OR51E2: variants seen among roughly 807,000 people sequenced by gnomAD.
OR51E2 encodes the protein olfactory receptor family 51 subfamily E member 2.
A neutral mutation model predicts 13.7 loss-of-function variants in OR51E2; 14 were observed. The observed-to-expected ratio is 1.02, with a 90% confidence interval of 0.68 to 1.60. The LOEUF (loss-of-function observed/expected upper bound fraction) is 1.60, where lower values mean the gene tolerates loss of function less well. OR51E2 is among the 40% of genes most tolerant of loss of function. The pLI is 0.00. For synonymous variants in OR51E2, 180 were observed against 157.6 expected, an observed-to-expected ratio of 1.14 and a Z score of -1.07; for missense variants, 483 against 413.8, an observed-to-expected ratio of 1.17 and a Z score of -1.45.
intron 1 of OR51E2, chr11:4,691,631 G>A: frequency 2.3e-6 from 1 of 443,502 alleles, no homozygotes; most frequent in Non-Finnish European, 4.5e-6. Flanking sequence ...AGGTGTGGAA[G>A]GCTTCCAGCC....
chr11:4,689,910 A>T (rs976987620), intron 1 of OR51E2, among the ~76,000 whole-genome samples: 1 of 150,400 alleles, frequency 6.6e-6, no homozygotes, highest in Non-Finnish European at 1.5e-5. Context: ...TTTTTAATTA[A>T]TTTTTTTACT....
In OR51E2 at chr11:4,682,679, A is replaced by G; in HGVS notation, c.33T>C (p.Phe11=). The change falls in exon 2 of 2, where the codon TTT becomes TTC. Residue 11 remains phenylalanine, a synonymous_variant. Coordinates refer to ENST00000396950, the MANE Select transcript of OR51E2 (RefSeq NM_030774.4). MSSCNFTHAT[F]VLIGIPGLEK... is the part of the protein sequence containing the mutation. Reference sequence around the variant, plus strand: ...CTAATCCTGGGATACCAATAAGCACAAAGGTGGCATGTGTGAAGTTGCAGG... The same window carrying G: ...CTAATCCTGGGATACCAATAAGCACGAAGGTGGCATGTGTGAAGTTGCAGG... 6.2e-7 allele frequency: 1 copy of G among 1,614,106 alleles called. No individual in the cohort carries two copies. Among genetic ancestry groups the G allele is most frequent in the Non-Finnish European group, 8.5e-7 (1 of 1,179,962 alleles).
Position 4,694,295 on chromosome 11 carries a change from C to CA in OR51E2, c.-51+3357dup, listed in dbSNP as rs1239798177. Among the ~76,000 whole-genome samples the CA allele has an allele frequency of 4.2e-4, 61 of 145,966 alleles. 1 individual carries two copies. The highest frequency in any genetic ancestry group is 1.2e-3 in the East Asian group (6 of 5,040). Reference sequence around the variant, plus strand: ...TTGACCTGATCTGTGTTGGGCCTAGCAAAAAAAAAATGACTTCTCTCCTTT... The same window carrying CA: ...TTGACCTGATCTGTGTTGGGCCTAGCAAAAAAAAAAATGACTTCTCTCCTTT... On this transcript the variant is annotated intron_variant, in intron 1 of 1. Coordinates refer to ENST00000396950, the MANE Select transcript of OR51E2 (RefSeq NM_030774.4).
intron 1 of OR51E2, among the ~76,000 whole-genome samples, chr11:4,687,643 C>T (rs1847531020): frequency 6.6e-6 from 1 of 152,050 alleles, no homozygotes; most frequent in South Asian, 2.1e-4. Flanking sequence ...TACAATGGAC[C>T]AGACACTATA....
At chr11:4,693,589 C>T (rs1460771130) in intron 1 of OR51E2, among the ~76,000 whole-genome samples, 3 of 152,042 alleles carry the variant, frequency 2.0e-5, no homozygotes, top group Non-Finnish European at 4.4e-5. Flanking sequence ...GGCGTGGTGG[C>T]GGGCGCCTGT....
chr11:4,687,957 G>T (rs1002408107), intron 1 of OR51E2, among the ~76,000 whole-genome samples: 8 of 152,172 alleles, frequency 5.3e-5, no homozygotes, highest in Non-Finnish European at 1.0e-4. Context: ...CATGCAGGTT[G>T]TTTGTTGTCT....
chr11:4,684,043 T>C (rs1448532579), intron 1 of OR51E2, among the ~76,000 whole-genome samples: 2 of 152,216 alleles, frequency 1.3e-5, no homozygotes. Context: ...CAGTTTGGCC[T>C]TAATGTAGAG....
intron 1 of OR51E2, chr11:4,684,987 T>C (rs910602114): frequency 1.3e-5 from 2 of 152,286 alleles, no homozygotes; most frequent in Non-Finnish European, 2.9e-5. Flanking sequence ...TGAAACAGTA[T>C]GTGGGGTCTT....
chr11:4,696,030 G>A (rs1300935626), intron 1 of OR51E2, among the ~76,000 whole-genome samples: 2 of 152,126 alleles, frequency 1.3e-5, no homozygotes, highest in Non-Finnish European at 2.9e-5. Flanking sequence ...TAACGCTGTG[G>A]CAAAGTTTCT....
At chr11:4,692,162 C>A in intron 1 of OR51E2, 1 of 452,432 alleles carries the variant, frequency 2.2e-6, no homozygotes, top group South Asian at 1.6e-5. Flanking sequence ...TTACATTGGT[C>A]ATAAGTGTGG....
chr11:4,695,989 A>G (rs1171316525), intron 1 of OR51E2, among the ~76,000 whole-genome samples: 1 of 152,150 alleles, frequency 6.6e-6, no homozygotes, highest in Non-Finnish European at 1.5e-5. Flanking sequence ...GCATCTCCAG[A>G]GTTCTGTATT....
chr11:4,691,342 C>A (rs1455504218), intron 1 of OR51E2: 2 of 457,582 alleles, frequency 4.4e-6, no homozygotes, highest in Non-Finnish European at 8.8e-6. Flanking sequence ...CGATCAAAAG[C>A]CATGGCCAAC....
Position 4,682,596 on chromosome 11 carries a change from A to G in OR51E2, c.116T>C (p.Phe39Ser). ...GATGAAGACCACGATGCAGTTTCCAAACATTGCCACTACATACATGGAAAG... is the reference window on the plus strand; with the variant it reads ...GATGAAGACCACGATGCAGTTTCCAGACATTGCCACTACATACATGGAAAG... ...PLLSMYVVAM[F>S]GNCIVVFIVR... Residue 39 changes from phenylalanine to serine, a missense_variant, in exon 2 of 2, where the codon TTT (phenylalanine) becomes TCT (serine). By Grantham distance (155) the Phe-to-Ser change is radical (BLOSUM62 -2). Transcript: ENST00000396950. The G allele has an allele frequency of 6.2e-7, 1 of 1,614,206 alleles. No homozygotes were observed. Among genetic ancestry groups the G allele is most frequent in the Non-Finnish European group, 8.5e-7 (1 of 1,180,042 alleles).
intron 1 of OR51E2, among the ~76,000 whole-genome samples, chr11:4,693,496 C>A (rs890890238): frequency 6.6e-6 from 1 of 152,030 alleles, no homozygotes; most frequent in Non-Finnish European, 1.5e-5. Flanking sequence ...CCGAGGTGGG[C>A]GGATCACGAG....
At chr11:4,695,551 C>T (rs1847645240) in intron 1 of OR51E2, among the ~76,000 whole-genome samples, 1 of 152,162 alleles carries the variant, frequency 6.6e-6, no homozygotes, top group African/African-American at 2.4e-5. Flanking sequence ...GGAGAACAGT[C>T]TGCTTTTGTT....
chr11:4,681,432 C>G lies in OR51E2; in HGVS notation c.*317G>C. The G allele has an allele frequency of 3.4e-6, 1 of 290,060 alleles. No individual in the cohort carries two copies. The highest frequency in any genetic ancestry group is 6.4e-6 in the Non-Finnish European group (1 of 155,624). 18.0% of individuals were successfully genotyped at this position (290,060 alleles called of 1,614,324 possible). A position where few individuals can be genotyped will look rare whatever the true frequency, so the allele number is the denominator to read the frequency against. On this transcript the variant is annotated 3_prime_UTR_variant, in exon 2 of 2. Coordinates refer to ENST00000396950, the MANE Select transcript of OR51E2 (RefSeq NM_030774.4). ...AAAGAGAGAGAAAGTAGGGACAACA[C>G]TAAATCATTAGTAATTTGAGCACAT...
chr11:4,689,284 C>T (rs557558554), intron 1 of OR51E2, among the ~76,000 whole-genome samples: 1 of 152,056 alleles, frequency 6.6e-6, no homozygotes, highest in Non-Finnish European at 1.5e-5. Context: ...AAATTTCCTA[C>T]AGGGAATGAT....
At chr11:4,692,382 C>T (rs981745607) in intron 1 of OR51E2, among the ~76,000 whole-genome samples, 11 of 152,308 alleles carry the variant, frequency 7.2e-5, no homozygotes, top group Admixed American at 3.9e-4. Context: ...CAGGAGGCTG[C>T]CCCCACCTGA....
chr11:4,690,467 C>T (rs1204295006), intron 1 of OR51E2: 3 of 168,978 alleles, frequency 1.8e-5, no homozygotes, highest in Non-Finnish European at 3.9e-5. Context: ...TTGGCAGGGA[C>T]AGAAGGCAAC....
Sources: gnomAD v4.1 joint callset for allele counts (sites outside exome capture counted in the v4.1 genomes callset) on GRCh38, gnomAD v4.1.1 for gene constraint, MANE v1.5 for transcripts, NCBI Gene and HGNC (gene_info 2026-07-23, HGNC 2026-07-21) for gene names.